Variants in OGDH observed in about 807,000 individuals in gnomAD.
OGDH encodes oxoglutarate dehydrogenase, also known as 2-oxoglutarate dehydrogenase complex component E1.
Under a neutral mutation model 116.6 loss-of-function variants are expected in OGDH, and 38 were observed. That is an observed-to-expected ratio of 0.33 (90% confidence interval 0.25 to 0.43). The LOEUF (loss-of-function observed/expected upper bound fraction) is 0.43. OGDH is among the 20% of genes least tolerant of loss of function. OGDH has a pLI of 1.00. For missense variants in OGDH, 825 were observed against 1,357.2 expected, an observed-to-expected ratio of 0.61 and a Z score of 6.16; for synonymous variants, 488 against 533.3, an observed-to-expected ratio of 0.92 and a Z score of 1.17.
intron 1 of OGDH, among the ~76,000 whole-genome samples, chr7:44,617,112 T>C (rs1388759600): frequency 2.0e-5 from 3 of 151,340 alleles, no homozygotes; most frequent in Non-Finnish European, 4.4e-5. Context: ...TTTGTAGTTT[T>C]AGTAGAGGCG....
At chr7:44,646,931 C>T (rs736497) in intron 3 of OGDH, among the ~76,000 whole-genome samples, 14,405 of 152,178 alleles carry the variant, frequency 0.095, 1,368 homozygotes, top group East Asian at 0.39. Context: ...CATTTTCCTA[C>T]TTAGAAAAAT....
intron 10 of OGDH, among the ~76,000 whole-genome samples, chr7:44,684,796 A>G (rs1004905294): frequency 6.8e-6 from 1 of 147,398 alleles, no homozygotes; most frequent in East Asian, 2.0e-4. Context: ...GTTTTTTTCT[A>G]TTTTTTTTTT....
chr7:44,638,771 A>G (rs962568248), intron 2 of OGDH, among the ~76,000 whole-genome samples: 1 of 152,218 alleles, frequency 6.6e-6, no homozygotes, highest in Non-Finnish European at 1.5e-5. Context: ...GTGGGCTTCT[A>G]TCCCTTCCAG....
chr7:44,661,394 A>G (rs759399761), intron 4 of OGDH, among the ~76,000 whole-genome samples: 1 of 152,062 alleles, frequency 6.6e-6, no homozygotes, highest in African/African-American at 2.4e-5. Context: ...TTTTATATTT[A>G]TCCACTTTTC....
chr7:44,693,450 T>C (rs901858096), intron 10 of OGDH, among the ~76,000 whole-genome samples: 6 of 151,786 alleles, frequency 4.0e-5, no homozygotes, highest in Admixed American at 3.9e-4. Context: ...CTACAAAAAA[T>C]AAAAAGAATT....
In OGDH at chr7:44,708,153, C is replaced by T. The variant is rs1789171038; in HGVS notation, c.*154C>T. The stretch of plus-strand genomic sequence containing the variant: ...TCTGCTCTCATAGGAGTTAGGCTGT[C>T]GTCCCCCTCCAGTGCTTGGCTGCCC... On this transcript the variant is annotated 3_prime_UTR_variant, in exon 23 of 23. Transcript: ENST00000222673. The T allele has an allele frequency of 1.8e-5, 19 of 1,077,270 alleles. No homozygotes were observed. The highest frequency in any genetic ancestry group is 5.0e-5 in the East Asian group (2 of 39,806). The allele number at this position is 1,077,270 out of a possible 1,614,324, so 66.7% of individuals were successfully genotyped here.
chr7:44,647,884 A>T, intron 4 of OGDH, 125 bp downstream of exon 4: 1 of 677,516 alleles, frequency 1.5e-6, no homozygotes, highest in Non-Finnish European at 2.6e-6. Flanking sequence ...TGATCACTTG[A>T]AATTTATCGG....
chr7:44,681,638 C>A, intron 9 of OGDH, 82 bp from the exon 10 acceptor site: 1 of 1,519,128 alleles, frequency 6.6e-7, no homozygotes, highest in Non-Finnish European at 8.9e-7. Flanking sequence ...TTTTGAAAAA[C>A]AAATGATGCA....
chr7:44,657,590 C>G (rs1255174761), intron 4 of OGDH, among the ~76,000 whole-genome samples: 1 of 152,084 alleles, frequency 6.6e-6, no homozygotes, highest in Admixed American at 6.6e-5. Flanking sequence ...CTTTTTTCCC[C>G]CTCGTTTCCT....
At chr7:44,628,394 T>A (rs771071307) in intron 2 of OGDH, among the ~76,000 whole-genome samples, 12 of 151,956 alleles carry the variant, frequency 7.9e-5, no homozygotes, top group Non-Finnish European at 1.3e-4. Context: ...TTTTTTTACA[T>A]TTGGTTTTAC....
intron 3 of OGDH, 70 bp from the exon 4 acceptor site, chr7:44,647,587 C>G: frequency 8.1e-6 from 12 of 1,477,920 alleles, no homozygotes; most frequent in Non-Finnish European, 1.0e-5. Flanking sequence ...TTTTTTTTTA[C>G]CCCTTCCCTC....
intron 4 of OGDH, among the ~76,000 whole-genome samples, chr7:44,666,354 A>C (rs1393197648): frequency 1.3e-5 from 2 of 152,120 alleles, no homozygotes; most frequent in Non-Finnish European, 2.9e-5. Context: ...TAACTATTGT[A>C]CTGATTTTTG....
chr7:44,664,386 G>A (rs183624594), intron 4 of OGDH, among the ~76,000 whole-genome samples: 1 of 152,300 alleles, frequency 6.6e-6, no homozygotes, highest in East Asian at 1.9e-4. Flanking sequence ...TTACAGCCTG[G>A]TGAGGGTGGG....
At chr7:44,660,887 C>A (rs1157204977) in intron 4 of OGDH, among the ~76,000 whole-genome samples, 1 of 152,064 alleles carries the variant, frequency 6.6e-6, no homozygotes, top group Admixed American at 6.6e-5. Flanking sequence ...ATGATTGCAC[C>A]ACTATACTCT....
At chr7:44,626,214 T>C (rs1785195187) in intron 2 of OGDH, among the ~76,000 whole-genome samples, 1 of 151,620 alleles carries the variant, frequency 6.6e-6, no homozygotes, top group East Asian at 1.9e-4. Context: ...AGAAGTGCTC[T>C]GTGAAACTGG....
At chr7:44,674,362 G>A in intron 6 of OGDH, 49 bp from the exon 7 acceptor site, 2 of 1,610,808 alleles carry the variant, frequency 1.2e-6, no homozygotes, top group Non-Finnish European at 1.7e-6. Flanking sequence ...CCTCTTTTTG[G>A]TCAGGAAGAG....
intron 9 of OGDH, 90 bp downstream of exon 9, chr7:44,676,239 G>T: frequency 6.2e-7 from 1 of 1,609,642 alleles, no homozygotes; most frequent in Non-Finnish European, 8.5e-7. Flanking sequence ...CCAGAGCCCT[G>T]GGTGCATCTA....
chr7:44,708,073 A>T lies in OGDH; in HGVS notation c.*74A>T. On this transcript the variant is annotated 3_prime_UTR_variant, in exon 23 of 23. Coordinates refer to ENST00000222673, the MANE Select transcript of OGDH (RefSeq NM_002541.4). ...GCCCCTTGCTTCTCAACTAAAGAAT[A>T]GTGCCTCAGCGCTGCCCACACCACC... 6.4e-7 allele frequency: 1 copy of T among 1,559,496 alleles called. No homozygotes were observed. The highest frequency in any genetic ancestry group is 8.7e-7 in the Non-Finnish European group (1 of 1,155,918).
Position 44,693,959 on chromosome 7 carries a change from G to C in OGDH, c.1470G>C (p.Ala490=), listed in dbSNP as rs759768044. Residue 490 remains alanine (A), a synonymous_variant, in exon 11 of 23, where the codon GCG becomes GCC. Coordinates refer to ENST00000222673, the MANE Select transcript of OGDH (RefSeq NM_002541.4). ...CTGTCATGTACGTGTGCAAAGTGGC[G>C]GCCGAGTGGAGGAGCACCTTCCACA... ...PEAVMYVCKV[A]AEWRSTFHKD... is the part of the protein sequence containing the mutation. 2.5e-6 allele frequency: 4 copies of C among 1,614,010 alleles called. No homozygotes were observed. In the South Asian group the frequency reaches 4.4e-5, roughly 18 times the overall value.
Sources: gnomAD v4.1 joint callset for allele counts (sites outside exome capture counted in the v4.1 genomes callset) on GRCh38, gnomAD v4.1.1 for gene constraint, MANE v1.5 for transcripts, NCBI Gene and HGNC (gene_info 2026-07-23, HGNC 2026-07-21) for gene names.